Variants in PXMP2 observed in about 807,000 individuals in gnomAD.
The protein encoded by PXMP2 is peroxisomal membrane protein 2.
PXMP2 carries 13 observed loss-of-function variants against 20.2 expected under a neutral mutation model. That is an observed-to-expected ratio of 0.64 (90% CI 0.42 to 1.02). The LOEUF (loss-of-function observed/expected upper bound fraction) is 1.02. PXMP2 is among the 50% of genes least tolerant of loss of function. The pLI, the probability that PXMP2 is intolerant of heterozygous loss-of-function variation, is 0.00. For missense variants in PXMP2, 284 were observed against 251.8 expected, an observed-to-expected ratio of 1.13 and a Z score of -0.87; for synonymous variants, 113 against 111.2, an observed-to-expected ratio of 1.02 and a Z score of -0.10.
rs764231447 is a variant in PXMP2, at chr12:132,695,942, C to T, written c.295C>T (p.Pro99Ser). The change falls in exon 3 of 5, where the codon CCT becomes TCT. Residue 99 changes from proline (P) to serine (S), a missense_variant. Physicochemically the swap from Pro to Ser is moderately conservative, Grantham distance 74. Coordinates refer to ENST00000317479, the MANE Select transcript of PXMP2 (RefSeq NM_018663.3). ...FFYFFMEHWI[P>S]PEVPLAGLRR... is the part of the protein sequence containing the mutation. ...CTACTTCTTCATGGAACATTGGATC[C>T]CTCCTGAGGTCCCCCTGGCAGGGCT... 3.1e-6 allele frequency: 5 copies of T among 1,611,696 alleles called. No individual in the cohort carries two copies. The Admixed American group carries it at 6.7e-5, about 22-fold the overall frequency.
At chr12:132,699,392 G>T (rs866879594) in intron 3 of PXMP2, among the ~76,000 whole-genome samples, 1 of 152,108 alleles carries the variant, frequency 6.6e-6, no homozygotes, top group African/African-American at 2.4e-5. Context: ...GCCAGCATGG[G>T]CAACAGAGTG....
intron 2 of PXMP2, among the ~76,000 whole-genome samples, chr12:132,692,974 C>T (rs2043381095): frequency 2.9e-5 from 2 of 69,574 alleles, no homozygotes; most frequent in Non-Finnish European, 3.3e-5. Context: ...CTCCCTTAGC[C>T]AGTTAGTGAG....
rs757830142 is a variant in PXMP2 at position 132,687,628 on chromosome 12, G to C, written c.-43G>C. 1.7e-6 allele frequency: 2 copies of C among 1,159,276 alleles called. No homozygotes were observed. The highest frequency in any genetic ancestry group is 1.1e-6 in the Non-Finnish European group (1 of 942,276). 71.8% of individuals were successfully genotyped at this position (1,159,276 alleles called of 1,614,324 possible). Reference sequence around the variant, plus strand: ...CTCGGGCTCCGCGCCCGGCCAGCCTGAGGTGGGGTCGGTGCCCCCGGCGGC... The same window carrying C: ...CTCGGGCTCCGCGCCCGGCCAGCCTCAGGTGGGGTCGGTGCCCCCGGCGGC... On this transcript the variant is annotated 5_prime_UTR_variant, in exon 1 of 5. Coordinates refer to ENST00000317479, the MANE Select transcript of PXMP2 (RefSeq NM_018663.3).
chr12:132,699,526 CTTTTTTTT>C (rs67730658), intron 3 of PXMP2, among the ~76,000 whole-genome samples: 2 of 100,522 alleles, frequency 2.0e-5, no homozygotes, highest in African/African-American at 3.9e-5. Flanking sequence ...AAAAGACATG[CTTTTTTTT>C]TTTTTTTTTT....
chr12:132,696,005 G>A lies in PXMP2; in HGVS notation c.358G>A (p.Ala120Thr), dbSNP rs775978542. The change falls in exon 3 of 5, where the codon GCC (alanine) becomes ACC (threonine). Residue 120 changes from alanine (A) to threonine (T), a missense_variant. Ala to Thr is a moderately conservative substitution (Grantham distance 58). Transcript: ENST00000317479. The surrounding 1 kb of genome is among the most constrained non-coding windows in gnomAD (Gnocchi z 4.4). ...CCTGGACCGCCTCGTCTTTGCACCGGCCTTCCTCATGTTGTTCTTCCTCAT... is the reference window on the plus strand; with the variant it reads ...CCTGGACCGCCTCGTCTTTGCACCGACCTTCCTCATGTTGTTCTTCCTCAT... ...LLLDRLVFAPAFLMLFFLIMN... is the reference protein window; with the variant it reads ...LLLDRLVFAPTFLMLFFLIMN... 3.1e-6 allele frequency: 5 copies of A among 1,611,096 alleles called. No homozygotes were observed. The highest frequency in any genetic ancestry group is 8.5e-7 in the Non-Finnish European group (1 of 1,178,640).
intron 4 of PXMP2, chr12:132,701,704 A>G (rs978747785): frequency 1.6e-5 from 5 of 314,032 alleles, no homozygotes; most frequent in African/African-American, 1.1e-4. Flanking sequence ...CCTTTGAAAC[A>G]TTCCCAGTCC....
rs368608933 is a variant in PXMP2 at position 132,704,722 on chromosome 12, G to A, written c.*35G>A. The A allele has an allele frequency of 6.4e-5, 102 of 1,587,274 alleles. No individual in the cohort carries two copies. The South Asian group carries it at 8.5e-4, about 13-fold the overall frequency. On this transcript the variant is annotated 3_prime_UTR_variant, in exon 5 of 5. Coordinates refer to ENST00000317479, the MANE Select transcript of PXMP2 (RefSeq NM_018663.3). ...GGAGAACATCAGGTGCACTGTGGAC[G>A]TGGGTCTGGGGGTCTCACCCGCCCA... is the stretch of plus-strand genomic sequence containing the variant.
At chr12:132,695,138 CCAGTTAGTTAGTGAGCGCCCTTGA>C (rs1464048063) in intron 2 of PXMP2, among the ~76,000 whole-genome samples, 117 of 149,746 alleles carry the variant, frequency 7.8e-4, no homozygotes, top group African/African-American at 1.8e-3. Context: ...GCTCCCTTAG[CCAGTTAGTTAGTGAGCGCCCTTGA>C]CAGTTAGTTA....
intron 4 of PXMP2, among the ~76,000 whole-genome samples, chr12:132,702,182 C>A (rs906296696): frequency 9.8e-5 from 15 of 152,392 alleles, no homozygotes; most frequent in African/African-American, 3.6e-4. Context: ...ACTGTGCGGC[C>A]ATGGGTCCTG....
Position 132,690,274 on chromosome 12 carries a change from C to G in PXMP2, c.134C>G (p.Ser45Ter), listed in dbSNP as rs2043358340. 2.5e-6 allele frequency: 4 copies of G among 1,613,824 alleles called. No individual in the cohort carries two copies. Among genetic ancestry groups the G allele is most frequent in the Non-Finnish European group, 3.4e-6 (4 of 1,179,784 alleles). ...LTKAATSGIL[S>*]ALGNFLAQMI... ...CTCCCTCTCCACAGTGGCATTTTGT[C>G]AGCACTTGGGAACTTCCTGGCCCAG... is the stretch of plus-strand genomic sequence containing the variant. Residue 45 changes from serine (S) to a stop codon, truncating the protein, a stop_gained, in exon 2 of 5, where the codon TCA becomes TGA. Transcript: ENST00000317479. LOFTEE classifies it high-confidence loss of function.
In PXMP2 at chr12:132,696,086, A is replaced by G. The variant is rs780907649; in HGVS notation, c.399+40A>G. 3.2e-6 allele frequency: 5 copies of G among 1,540,386 alleles called. No homozygotes were observed. Among genetic ancestry groups the G allele is most frequent in the Non-Finnish European group, 2.6e-6 (3 of 1,135,066 alleles). ...CAGCACTTACTGCAGCTCTTCGTTT[A>G]GCACAGGGATTCTTCACCTGACATT... On this transcript the variant is annotated intron_variant, in intron 3 of 4. Coordinates refer to ENST00000317479, the MANE Select transcript of PXMP2 (RefSeq NM_018663.3). This position sits in a 1 kb window ranked among gnomAD's most constrained non-coding sequence, Gnocchi z 4.4.
intron 1 of PXMP2, among the ~76,000 whole-genome samples, chr12:132,689,459 C>A (rs2043354084): frequency 6.6e-6 from 1 of 152,086 alleles, no homozygotes; most frequent in South Asian, 2.1e-4. Flanking sequence ...TAAAGAAAGG[C>A]GGAGAGAGGT....
rs571546690 is a variant in PXMP2 at position 132,696,899 on chromosome 12, C to T, written c.399+853C>T. 1.2e-3 allele frequency among the ~76,000 whole-genome samples: 176 copies of T among 152,020 alleles called. 1 individual carries two copies. Among genetic ancestry groups the T allele is most frequent in the Middle Eastern group, 3.4e-3 (1 of 294 alleles). On this transcript the variant is annotated intron_variant, in intron 3 of 4. Transcript: ENST00000317479. This position sits in a 1 kb window ranked among gnomAD's most constrained non-coding sequence, Gnocchi z 4.4. Reference sequence around the variant, plus strand: ...CTGAGGCAGGAGAATCGCTTGAAGCCGGGAGGTGGAGGTTGTGGTGAGCTG... The same window carrying T: ...CTGAGGCAGGAGAATCGCTTGAAGCTGGGAGGTGGAGGTTGTGGTGAGCTG...
chr12:132,703,689 G>A (rs1483362532), intron 4 of PXMP2, among the ~76,000 whole-genome samples: 1 of 152,176 alleles, frequency 6.6e-6, no homozygotes, highest in Non-Finnish European at 1.5e-5. Context: ...GAGGATGGGA[G>A]AGCATGCTGA....
intron 2 of PXMP2, among the ~76,000 whole-genome samples, chr12:132,692,661 G>C: frequency 7.1e-6 from 1 of 141,438 alleles, no homozygotes; most frequent in Non-Finnish European, 1.5e-5. Context: ...TAGTTAGTGA[G>C]CGCCCTTAGC....
intron 4 of PXMP2, chr12:132,701,784 A>C: frequency 9.3e-6 from 2 of 214,742 alleles, no homozygotes; most frequent in South Asian, 6.3e-5. Context: ...GCCCAAATAA[A>C]CTCTAGTTAT....
rs2043313481 is a variant in PXMP2, at chr12:132,687,714, G to C, written c.44G>C (p.Gly15Ala). 1 of 1,207,208 alleles carries C rather than the reference G, an allele frequency of 8.3e-7. No individual in the cohort carries two copies. The highest frequency in any genetic ancestry group is 1.6e-5 in the African/African-American group (1 of 62,250). 74.8% of individuals were successfully genotyped at this position (1,207,208 alleles called of 1,614,324 possible). Residue 15 changes from glycine (G) to alanine (A), a missense_variant, in exon 1 of 5, where the codon GGG becomes GCG. By Grantham distance (60) the Gly-to-Ala change is moderately conservative. Transcript: ENST00000317479. ...AGGCTGCGGGCCGAAGCCGGGCTCG[G>C]GGCGCTGCCGCGGCGGGCGCTCGCC... is the stretch of plus-strand genomic sequence containing the variant. ...ASRLRAEAGL[G>A]ALPRRALAQY... is the part of the protein sequence containing the mutation.
intron 4 of PXMP2, chr12:132,701,720 A>G (rs2136068423): frequency 3.5e-6 from 1 of 289,324 alleles, no homozygotes; most frequent in South Asian, 3.4e-5. Context: ...AGTCCCAGGA[A>G]TGTACATGCA....
chr12:132,693,282 G>T (rs2043384092), intron 2 of PXMP2, among the ~76,000 whole-genome samples: 1 of 56,498 alleles, frequency 1.8e-5, no homozygotes, highest in African/African-American at 6.0e-5. Flanking sequence ...TTAGTTAAGT[G>T]AGCGCCCTTA....
Sources: allele counts gnomAD v4.1 joint callset (sites outside exome capture counted in the v4.1 genomes callset), GRCh38; gene constraint gnomAD v4.1.1; non-coding constraint Gnocchi (gnomAD v3.1); transcripts MANE v1.5; gene names NCBI Gene and HGNC (gene_info 2026-07-23, HGNC 2026-07-21).